The following ITPRID1 variants were observed in gnomAD, a reference collection of about 807,000 sequenced individuals.
ITPRID1 encodes protein ITPRID1.
Under a neutral mutation model 95.4 loss-of-function variants are expected in ITPRID1, and 96 were observed. The ratio of observed to expected loss-of-function variants is 1.01; its 90% CI spans 0.85 to 1.19. The LOEUF (loss-of-function observed/expected upper bound fraction) is 1.19, where lower values mean the gene tolerates loss of function less well. Ranked by LOEUF, ITPRID1 falls within the 50% of genes most tolerant of loss-of-function variation. The probability of loss-of-function intolerance (pLI) is 0.00; values close to 1 mark genes in which losing one functional copy is unlikely to be tolerated. For synonymous variants in ITPRID1, 510 were observed against 453.6 expected (o/e 1.12, Z -1.58); for missense variants, 1,339 against 1,252.9 (o/e 1.07, Z -1.04).
At chr7:31,632,214 T>C (rs576100242) in intron 10 of ITPRID1, among the ~76,000 whole-genome samples, 48 of 152,262 alleles carry the variant, frequency 3.2e-4, no homozygotes. Context: ...TTTGGGTGGC[T>C]GAGGCAGGTG....
At chr7:31,534,561 T>C (rs1381031345) in intron 1 of ITPRID1, among the ~76,000 whole-genome samples, 1 of 152,200 alleles carries the variant, frequency 6.6e-6, no homozygotes, top group East Asian at 1.9e-4. Context: ...TATCTTGTAT[T>C]ATTGTAGCTA....
At chr7:31,575,991 A>C (rs1296173597) in intron 8 of ITPRID1, among the ~76,000 whole-genome samples, 1 of 152,178 alleles carries the variant, frequency 6.6e-6, no homozygotes, top group Admixed American at 6.5e-5. Flanking sequence ...TCTTGCAAGC[A>C]GCACAGAGAT....
At chr7:31,583,902 GA>G (rs1420159297) in intron 10 of ITPRID1, among the ~76,000 whole-genome samples, 8 of 152,134 alleles carry the variant, frequency 5.3e-5, no homozygotes, top group African/African-American at 1.9e-4. Flanking sequence ...CTGAAATGAA[GA>G]AATAAGTGCA....
At chr7:31,518,370 T>G (rs1035340891) in intron 1 of ITPRID1, 2 of 152,224 alleles carry the variant, frequency 1.3e-5, no homozygotes, top group Non-Finnish European at 1.5e-5. Flanking sequence ...AACTACTGTT[T>G]GTGATAATTT....
intron 1 of ITPRID1, among the ~76,000 whole-genome samples, chr7:31,519,620 CTATATATATA>C (rs750544823): frequency 2.8e-4 from 7 of 25,270 alleles, no homozygotes; most frequent in South Asian, 2.1e-3. Context: ...CTCTCTCTCT[CTATATATATA>C]TATATATATA....
At chr7:31,553,618 GC>G (rs1199522207) in intron 3 of ITPRID1, among the ~76,000 whole-genome samples, 6 of 152,134 alleles carry the variant, frequency 3.9e-5, no homozygotes, top group African/African-American at 1.4e-4. Context: ...AGCACTCCCT[GC>G]CCCCATTATG....
intron 3 of ITPRID1, among the ~76,000 whole-genome samples, chr7:31,554,143 A>G (rs892812226): frequency 2.0e-5 from 3 of 152,194 alleles, no homozygotes; most frequent in Non-Finnish European, 4.4e-5. Context: ...AAAGTCTCTT[A>G]TGCTTTCTCA....
intron 12 of ITPRID1, among the ~76,000 whole-genome samples, chr7:31,647,753 A>G (rs1237001522): frequency 1.3e-5 from 2 of 151,746 alleles, no homozygotes; most frequent in African/African-American, 4.8e-5. Context: ...TTCTGAGCAG[A>G]TGTTGAAACT....
chr7:31,577,897 G>T lies in ITPRID1; in HGVS notation c.633G>T (p.Val211=). ...GACAGCTGGAAATCCTGGACCATGT[G>T]ACCAATGCCTTCTCATCTCTGCTGA... ...RFRQLEILDH[V]TNAFSSLLSD... The change falls in exon 9 of 15, where the codon GTG becomes GTT. Residue 211 remains valine, a synonymous_variant. Transcript: ENST00000615280. 6.2e-7 allele frequency: 1 copy of T among 1,610,994 alleles called. No homozygotes were observed. The highest frequency in any genetic ancestry group is 1.1e-5 in the South Asian group (1 of 90,680).
intron 10 of ITPRID1, among the ~76,000 whole-genome samples, chr7:31,615,931 A>G (rs1405163492): frequency 1.3e-5 from 2 of 151,418 alleles, no homozygotes; most frequent in African/African-American, 2.4e-5. Flanking sequence ...TTTTTTTTGT[A>G]TTTTTGGTAG....
chr7:31,579,315 A>G lies in ITPRID1; in HGVS notation c.1170+881A>G, dbSNP rs549599783. 3.5e-3 allele frequency among the ~76,000 whole-genome samples: 534 copies of G among 152,320 alleles called. 1 individual carries two copies. Among genetic ancestry groups the G allele is most frequent in the African/African-American group, 0.012 (512 of 41,578 alleles). ...TACAGATAAGTAATTACAAAGGAAG[A>G]ACAAGGCTTTTCTCTCCTTTCATCT... On this transcript the variant is annotated intron_variant, in intron 9 of 14. Transcript: ENST00000615280.
chr7:31,631,468 T>G (rs1788990559), intron 10 of ITPRID1, among the ~76,000 whole-genome samples: 1 of 152,232 alleles, frequency 6.6e-6, no homozygotes, highest in Non-Finnish European at 1.5e-5. Flanking sequence ...CGTGGTTAGG[T>G]TATAATGATC....
At chr7:31,629,279 A>C (rs1345312912) in intron 10 of ITPRID1, among the ~76,000 whole-genome samples, 7 of 26,574 alleles carry the variant, frequency 2.6e-4, no homozygotes, top group Admixed American at 1.8e-3. Context: ...GTGTTTAAAC[A>C]ACACAATCTT....
chr7:31,590,051 T>G (rs545423990), intron 10 of ITPRID1, among the ~76,000 whole-genome samples: 2 of 152,218 alleles, frequency 1.3e-5, no homozygotes, highest in African/African-American at 4.8e-5. Flanking sequence ...TATATATGTG[T>G]GTATATATAT....
rs774931494 is a variant in ITPRID1, at chr7:31,651,272, A to T, written c.2711+3A>T. The T allele has an allele frequency of 6.2e-7, 1 of 1,612,584 alleles. No individual in the cohort carries two copies. The highest frequency in any genetic ancestry group is 1.1e-5 in the South Asian group (1 of 90,962). ...AGGGACATGTCAGAGGAGGAAAGGT[A>T]ATTACCTAAGGGAGCCATAAAAGTA... is the stretch of plus-strand genomic sequence containing the variant. On this transcript the variant is annotated splice_donor_region_variant and intron_variant, in intron 13 of 14. Transcript: ENST00000615280.
chr7:31,627,607 C>G (rs1191816011), intron 10 of ITPRID1, among the ~76,000 whole-genome samples: 1 of 135,740 alleles, frequency 7.4e-6, no homozygotes, highest in Non-Finnish European at 1.5e-5. Context: ...ACGCAGTAAG[C>G]TGCGATCATG....
At position 31,520,552 on chromosome 7, in the gene ITPRID1, TGTGTGTGTGTGTGAGAGA is replaced by T. The variant is rs1390308253; in HGVS notation, c.-98+6434_-98+6451del. Among the ~76,000 whole-genome samples, 564 of 87,896 alleles carry T rather than the reference TGTGTGTGTGTGTGAGAGA, an allele frequency of 6.4e-3. 5 individuals are homozygous for T. The highest frequency in any genetic ancestry group is 0.027 in the African/African-American group (493 of 18,138). The allele number at this position is 87,896 out of a possible 152,430, so 57.7% of individuals were successfully genotyped here. The stretch of plus-strand genomic sequence containing the variant: ...GTGTGTGTGTGTGTGTGTGTGTGTG[TGTGTGTGTGTGTGAGAGA>T]GAGAGAGAGAGTTTGGCACTTTTCT... On this transcript the variant is annotated intron_variant, in intron 1 of 14. Transcript: ENST00000615280.
intron 12 of ITPRID1, among the ~76,000 whole-genome samples, chr7:31,647,488 C>A (rs150421522): frequency 0.041 from 5,815 of 141,414 alleles, 383 homozygotes; most frequent in African/African-American, 0.14. Flanking sequence ...ATGGCAAAAC[C>A]CCGTCTCCAT....
chr7:31,583,565 T>G lies in ITPRID1; in HGVS notation c.1228+374T>G, dbSNP rs189798333. 1.2e-3 allele frequency among the ~76,000 whole-genome samples: 183 copies of G among 152,122 alleles called. 1 individual carries two copies. Among genetic ancestry groups the G allele is most frequent in the African/African-American group, 4.1e-3 (169 of 41,456 alleles). ...ATTGCTTGAACCCAGGAGGTGGAGG[T>G]TGCAGTGAGCTGAAATCATGCCACT... On this transcript the variant is annotated intron_variant, in intron 10 of 14. Coordinates refer to ENST00000615280, the MANE Select transcript of ITPRID1 (RefSeq NM_001257967.3).
Sources: gnomAD v4.1 joint callset for allele counts (sites outside exome capture counted in the v4.1 genomes callset) on GRCh38, gnomAD v4.1.1 for gene constraint, MANE v1.5 for transcripts, NCBI Gene and HGNC (gene_info 2026-07-23, HGNC 2026-07-21) for gene names.